Variants in KIAA0825 observed in about 807,000 individuals in gnomAD.
The protein encoded by KIAA0825 is uncharacterized protein KIAA0825.
In KIAA0825, 119 loss-of-function variants were observed where a neutral mutation model predicts 147.6. That is an observed-to-expected ratio of 0.81 (90% CI 0.69 to 0.94). The LOEUF (loss-of-function observed/expected upper bound fraction) is 0.94. Ranked by LOEUF, KIAA0825 falls within the 40% of genes least tolerant of loss-of-function variation. The pLI is 0.00. For synonymous variants in KIAA0825, 470 were observed against 518.1 expected (o/e 0.91, Z 1.26); for missense variants, 1,381 against 1,472.7 (o/e 0.94, Z 1.02).
intron 20 of KIAA0825, among the ~76,000 whole-genome samples, chr5:94,207,547 A>T (rs531791511): frequency 6.6e-6 from 1 of 152,358 alleles, no homozygotes; most frequent in South Asian, 2.1e-4. Flanking sequence ...AACTTAAATT[A>T]GCTTGAATTA....
At chr5:94,175,318 T>C (rs1301972719) in intron 20 of KIAA0825, among the ~76,000 whole-genome samples, 1 of 152,184 alleles carries the variant, frequency 6.6e-6, no homozygotes, top group Non-Finnish European at 1.5e-5. Flanking sequence ...CTTTAACTGC[T>C]TATAGTCATT....
intron 20 of KIAA0825, among the ~76,000 whole-genome samples, chr5:94,245,380 A>G (rs1775553078): frequency 6.6e-6 from 1 of 152,170 alleles, no homozygotes; most frequent in East Asian, 1.9e-4. Context: ...TGGTTGAGAA[A>G]TGAGAGATGA....
At chr5:94,391,279 A>G (rs547674116) in intron 18 of KIAA0825, among the ~76,000 whole-genome samples, 1 of 152,324 alleles carries the variant, frequency 6.6e-6, no homozygotes, top group Admixed American at 6.5e-5. Flanking sequence ...AGTCTCTACA[A>G]TTCAGAACTG....
chr5:94,178,939 C>G (rs956709840), intron 20 of KIAA0825, among the ~76,000 whole-genome samples: 2 of 151,988 alleles, frequency 1.3e-5, no homozygotes, highest in African/African-American at 4.8e-5. Context: ...CAATGATATG[C>G]CATTCAGCCC....
intron 14 of KIAA0825, among the ~76,000 whole-genome samples, chr5:94,430,441 T>C (rs1352117807): frequency 6.6e-6 from 1 of 152,328 alleles, no homozygotes; most frequent in East Asian, 1.9e-4. Flanking sequence ...TATTTTAGAA[T>C]TCATTTAAAA....
intron 5 of KIAA0825, among the ~76,000 whole-genome samples, chr5:94,499,686 G>T (rs765599310): frequency 6.6e-6 from 1 of 151,450 alleles, no homozygotes; most frequent in African/African-American, 2.4e-5. Context: ...AAGTCGTTTG[G>T]CTGGCTAGTA....
chr5:94,213,989 G>A (rs1583870328), intron 20 of KIAA0825, among the ~76,000 whole-genome samples: 1 of 152,226 alleles, frequency 6.6e-6, no homozygotes, highest in East Asian at 1.9e-4. Context: ...AAATGCCAAA[G>A]TACCTAGCAC....
intron 20 of KIAA0825, among the ~76,000 whole-genome samples, chr5:94,283,927 T>C (rs1361446890): frequency 6.6e-6 from 1 of 152,136 alleles, no homozygotes; most frequent in Non-Finnish European, 1.5e-5. Context: ...CAAATGTTGA[T>C]ATATCTTAAA....
intron 7 of KIAA0825, among the ~76,000 whole-genome samples, chr5:94,475,981 G>GA (rs1370464203): frequency 2.6e-5 from 4 of 152,094 alleles, no homozygotes. Flanking sequence ...GTTGTTCCAA[G>GA]AAAAAACAGA....
intron 11 of KIAA0825, 44 bp downstream of exon 11, chr5:94,464,825 G>A: frequency 6.6e-7 from 1 of 1,511,028 alleles, no homozygotes; most frequent in African/African-American, 1.4e-5. Context: ...ACCAACTAAT[G>A]AAAAGTTTTC....
chr5:94,220,125 A>C (rs1026523466), intron 20 of KIAA0825, among the ~76,000 whole-genome samples: 1 of 152,130 alleles, frequency 6.6e-6, no homozygotes, highest in Non-Finnish European at 1.5e-5. Flanking sequence ...TATTTTAAAA[A>C]CATTTTATTT....
intron 1 of KIAA0825, among the ~76,000 whole-genome samples, chr5:94,585,763 T>C (rs1783148465): frequency 6.6e-6 from 1 of 152,046 alleles, no homozygotes; most frequent in East Asian, 1.9e-4. Context: ...CGTCGCACTT[T>C]TTCTAAAATT....
At chr5:94,608,540 G>T (rs1479342636) in intron 1 of KIAA0825, among the ~76,000 whole-genome samples, 3 of 94,112 alleles carry the variant, frequency 3.2e-5, no homozygotes, top group Admixed American at 1.5e-4. Flanking sequence ...CACCCTGTTG[G>T]CCAGGCTGTT....
chr5:94,490,378 A>G (rs1376227075), intron 5 of KIAA0825, among the ~76,000 whole-genome samples: 1 of 152,194 alleles, frequency 6.6e-6, no homozygotes, highest in Non-Finnish European at 1.5e-5. Context: ...AGATGTTTTT[A>G]AGTTCATAAA....
At chr5:94,254,436 A>C (rs202024676) in intron 20 of KIAA0825, among the ~76,000 whole-genome samples, 1 of 152,134 alleles carries the variant, frequency 6.6e-6, no homozygotes, top group East Asian at 1.9e-4. Context: ...TTGGTCACCA[A>C]AATAACCAAA....
At chr5:94,460,330 C>T (rs887281343) in intron 12 of KIAA0825, among the ~76,000 whole-genome samples, 3 of 152,000 alleles carry the variant, frequency 2.0e-5, no homozygotes, top group South Asian at 2.1e-4. Context: ...TCTATAAAGG[C>T]GAGCTAAAAA....
Position 94,412,691 on chromosome 5 carries a change from G to A in KIAA0825, c.2662+4510C>T, listed in dbSNP as rs541891311. On this transcript the variant is annotated intron_variant, in intron 15 of 20. Transcript: ENST00000682413. ...TGGGATTACAGGTGTGAGCCACCAC[G>A]CCCGGCCAGTAGTTTCTTATGAAGT... 5.3e-5 allele frequency among the ~76,000 whole-genome samples: 8 copies of A among 152,198 alleles called. No individual in the cohort carries two copies. In the South Asian group the frequency reaches 1.0e-3, roughly 20 times the overall value.
At chr5:94,178,575 G>A (rs983625827) in intron 20 of KIAA0825, among the ~76,000 whole-genome samples, 3 of 151,766 alleles carry the variant, frequency 2.0e-5, no homozygotes, top group Admixed American at 2.0e-4. Flanking sequence ...TTTTTTTCAA[G>A]AAGGATGTTT....
chr5:94,410,488 C>T (rs1752620521), intron 15 of KIAA0825, among the ~76,000 whole-genome samples: 1 of 151,990 alleles, frequency 6.6e-6, no homozygotes, highest in African/African-American at 2.4e-5. Context: ...GTCCAAGCAG[C>T]TCAATAAACC....
Sources: gnomAD v4.1 joint callset for allele counts (sites outside exome capture counted in the v4.1 genomes callset) on GRCh38, gnomAD v4.1.1 for gene constraint, MANE v1.5 for transcripts, NCBI Gene and HGNC (gene_info 2026-07-23, HGNC 2026-07-21) for gene names.